The following DBT variants were observed in gnomAD, a reference collection of about 807,000 sequenced individuals.
DBT encodes dihydrolipoamide branched chain transacylase E2.
In DBT, 40 loss-of-function variants were observed where a neutral mutation model predicts 51.3. The observed-to-expected ratio is 0.78, with a 90% confidence interval of 0.61 to 1.02. DBT has a LOEUF of 1.02. Ranked by LOEUF, DBT falls within the 50% of genes least tolerant of loss-of-function variation. The pLI, the probability that DBT is intolerant of heterozygous loss-of-function variation, is 0.00. For synonymous variants in DBT, 181 were observed against 190.4 expected, an observed-to-expected ratio of 0.95 and a Z score of 0.41; for missense variants, 510 against 580.2, an observed-to-expected ratio of 0.88 and a Z score of 1.24.
Position 100,206,597 on chromosome 1 carries a change from C to T in DBT, c.1057G>A (p.Gly353Ser), listed in dbSNP as rs578139656. Residue 353 changes from glycine to serine, a missense_variant, in exon 9 of 11, where the codon GGT becomes AGT. Gly to Ser is a moderately conservative substitution (Grantham distance 56, BLOSUM62 0). Transcript: ENST00000370132. ...NIGIAMDTEQ[G>S]LIVPNVKNVQ... ...TTTTTCACATTAGGGACAATCAAACCCTGCTCAGTATCCATTGCTATCCCA... is the reference window on the plus strand; with the variant it reads ...TTTTTCACATTAGGGACAATCAAACTCTGCTCAGTATCCATTGCTATCCCA... The T allele has an allele frequency of 1.2e-6, 2 of 1,612,300 alleles. No homozygotes were observed. Among genetic ancestry groups the T allele is most frequent in the African/African-American group, 1.3e-5 (1 of 74,964 alleles).
intron 1 of DBT, among the ~76,000 whole-genome samples, chr1:100,244,109 G>T (rs1376284466): frequency 1.8e-5 from 1 of 57,098 alleles, no homozygotes; most frequent in Non-Finnish European, 5.7e-5. Context: ...GGGGTCTGGT[G>T]GGCTTTTTTT....
chr1:100,249,163 A>C, intron 1 of DBT: 1 of 879,832 alleles, frequency 1.1e-6, no homozygotes, highest in Non-Finnish European at 1.4e-6. Flanking sequence ...GGTATGTGTC[A>C]GTGCTTGGTG....
In DBT at chr1:100,194,165, T is replaced by C. The variant is rs887451854; in HGVS notation, c.*2090A>G. ...AACAGCATTTATTTGACCTGTTTTT[T>C]TTATTTTATTTTATTTTTTAGAGAC... On this transcript the variant is annotated 3_prime_UTR_variant, in exon 11 of 11. Coordinates refer to ENST00000370132, the MANE Select transcript of DBT (RefSeq NM_001918.5). The C allele has an allele frequency of 1.3e-5, 2 of 152,108 alleles. No homozygotes were observed. Among genetic ancestry groups the C allele is most frequent in the African/African-American group, 2.4e-5 (1 of 41,402 alleles). The allele number at this position is 152,108 out of a possible 1,614,324, so 9.4% of individuals were successfully genotyped here. A position where few individuals can be genotyped will look rare whatever the true frequency, so the allele number is the denominator to read the frequency against.
chr1:100,220,786 T>C (rs745799885), intron 4 of DBT, among the ~76,000 whole-genome samples: 12 of 152,238 alleles, frequency 7.9e-5, no homozygotes, highest in African/African-American at 2.4e-5. Flanking sequence ...ATCTGTGCTG[T>C]TTCCATTAGT....
intron 10 of DBT, 139 bp downstream of exon 10, chr1:100,206,088 AAAG>A: frequency 8.1e-6 from 5 of 620,556 alleles, no homozygotes; most frequent in Admixed American, 6.3e-5. Flanking sequence ...AAAAAAAAAA[AAAG>A]AAATAATAGA....
In DBT at chr1:100,225,052, TACACACACACAC is replaced by T. The variant is rs71084808; in HGVS notation, c.433+5669_433+5680del. Among the ~76,000 whole-genome samples, 67 of 79,048 alleles carry T rather than the reference TACACACACACAC, an allele frequency of 8.5e-4. 9 individuals are homozygous for T. The highest frequency in any genetic ancestry group is 1.1e-3 in the Non-Finnish European group (43 of 40,358). The allele number at this position is 79,048 out of a possible 152,430, so 51.9% of individuals were successfully genotyped here. A position where few individuals can be genotyped will look rare whatever the true frequency, so the allele number is the denominator to read the frequency against. On this transcript the variant is annotated intron_variant, in intron 4 of 10. Coordinates refer to ENST00000370132, the MANE Select transcript of DBT (RefSeq NM_001918.5). Reference sequence around the variant, plus strand: ...AAAAAAAAAAAAAAAAATATATATATACACACACACACACACACACACACACACACACACACA... The same window carrying T: ...AAAAAAAAAAAAAAAAATATATATATACACACACACACACACACACACACA...
intron 1 of DBT, among the ~76,000 whole-genome samples, chr1:100,246,853 C>A (rs1248696099): frequency 6.6e-6 from 1 of 152,130 alleles, no homozygotes; most frequent in East Asian, 1.9e-4. Context: ...TTAAGGGAAC[C>A]TAGCTGGAGA....
intron 5 of DBT, among the ~76,000 whole-genome samples, chr1:100,216,445 T>C (rs781639026): frequency 6.6e-6 from 1 of 152,194 alleles, no homozygotes; most frequent in East Asian, 1.9e-4. Context: ...ACTTACTTTT[T>C]AAAAAAATTT....
chr1:100,216,751 G>A (rs753543844), intron 5 of DBT, among the ~76,000 whole-genome samples: 2 of 152,152 alleles, frequency 1.3e-5, no homozygotes, highest in South Asian at 2.1e-4. Flanking sequence ...AGTTAAAAAC[G>A]TAACAACTTA....
chr1:100,246,889 G>A (rs1021174197), intron 1 of DBT, among the ~76,000 whole-genome samples: 3 of 152,196 alleles, frequency 2.0e-5, no homozygotes, highest in Non-Finnish European at 4.4e-5. Context: ...AAGACCTGAC[G>A]GATGAGTAGG....
chr1:100,233,518 A>G (rs899735693), intron 3 of DBT, among the ~76,000 whole-genome samples: 10 of 152,048 alleles, frequency 6.6e-5, no homozygotes, highest in African/African-American at 1.2e-4. Context: ...CGCAATACAT[A>G]TTTTTTCCTT....
chr1:100,199,727 T>C (rs1367069340), intron 10 of DBT, among the ~76,000 whole-genome samples: 1 of 151,998 alleles, frequency 6.6e-6, no homozygotes, highest in East Asian at 1.9e-4. Flanking sequence ...GGTTAGACAG[T>C]GGGTGCAGCC....
At chr1:100,218,580 G>A (rs1344409188) in intron 5 of DBT, 46 bp downstream of exon 5, 4 of 1,608,204 alleles carry the variant, frequency 2.5e-6, no homozygotes, top group Non-Finnish European at 3.4e-6. Context: ...AGATACAAAT[G>A]TACACTTCCT....
At chr1:100,244,186 T>C (rs1331980620) in intron 1 of DBT, among the ~76,000 whole-genome samples, 7 of 151,046 alleles carry the variant, frequency 4.6e-5, no homozygotes, top group Non-Finnish European at 1.0e-4. Flanking sequence ...ATAATAAGCA[T>C]ACATAATAAA....
chr1:100,227,210 G>A (rs1292747907), intron 4 of DBT, among the ~76,000 whole-genome samples: 1 of 152,182 alleles, frequency 6.6e-6, no homozygotes, highest in Non-Finnish European at 1.5e-5. Flanking sequence ...TGTTGTATAT[G>A]CAGTCTGTTG....
chr1:100,206,393 T>C (rs1661791342), intron 9 of DBT, 52 bp downstream of exon 9: 3 of 1,559,264 alleles, frequency 1.9e-6, no homozygotes, highest in African/African-American at 2.7e-5. Context: ...TAATTAAGCA[T>C]ATGATCAGAA....
At chr1:100,224,455 A>G (rs1663051752) in intron 4 of DBT, among the ~76,000 whole-genome samples, 2 of 152,212 alleles carry the variant, frequency 1.3e-5, no homozygotes, top group Non-Finnish European at 2.9e-5. Context: ...TATGCTTCAT[A>G]GTTTATTCTT....
Position 100,214,026 on chromosome 1 carries a change from A to C in DBT, c.939+791T>G, listed in dbSNP as rs538429221. ...GAGGCTGGCACATGGTAGCTGCTGC[A>C]CAGTCACTAATGTGAGCTAGACTGT... On this transcript the variant is annotated intron_variant, in intron 7 of 10. Coordinates refer to ENST00000370132, the MANE Select transcript of DBT (RefSeq NM_001918.5). Among the ~76,000 whole-genome samples, 5 of 151,780 alleles carry C rather than the reference A, an allele frequency of 3.3e-5. No homozygotes were observed. The South Asian group carries it at 1.0e-3, about 32-fold the overall frequency.
Position 100,239,141 on chromosome 1 carries a change from A to G in DBT, c.175+1620T>C, listed in dbSNP as rs562012647. Among the ~76,000 whole-genome samples the G allele has an allele frequency of 1.2e-3, 178 of 152,360 alleles. 1 individual carries two copies. Among genetic ancestry groups the G allele is most frequent in the African/African-American group, 3.9e-3 (162 of 41,580 alleles). ...AGAGCAGTGCCTTGGAACACAGGTG[A>G]TCAATAAATATTAATTGTTGAATGA... On this transcript the variant is annotated intron_variant, in intron 2 of 10. Coordinates refer to ENST00000370132, the MANE Select transcript of DBT (RefSeq NM_001918.5).
Sources: gnomAD v4.1 joint callset for allele counts (sites outside exome capture counted in the v4.1 genomes callset) on GRCh38, gnomAD v4.1.1 for gene constraint, MANE v1.5 for transcripts, NCBI Gene and HGNC (gene_info 2026-07-23, HGNC 2026-07-21) for gene names.